Variants in ZAN observed in about 807,000 individuals in gnomAD.
ZAN encodes zonadhesin, also known as zonadhesin (gene/pseudogene).
Under a neutral mutation model 286.2 loss-of-function variants are expected in ZAN, and 260 were observed. That is an observed-to-expected ratio of 0.91 (90% confidence interval 0.82 to 1.01). ZAN has a LOEUF of 1.01. ZAN is among the 50% of genes least tolerant of loss of function. ZAN has a pLI of 0.00. For missense variants in ZAN, 3,410 were observed against 3,639.2 expected (o/e 0.94, Z 1.62); for synonymous variants, 1,368 against 1,417.5 (o/e 0.97, Z 0.79).
chr7:100,757,754 CAAA>C (rs1166217824), intron 15 of ZAN, among the ~76,000 whole-genome samples: 84 of 57,516 alleles, frequency 1.5e-3, no homozygotes, highest in African/African-American at 4.6e-3. Context: ...GACTCCGTCT[CAAA>C]AAAAAAAAAA....
At chr7:100,744,602 A>AAAAT (rs899571054) in intron 7 of ZAN, among the ~76,000 whole-genome samples, 1 of 150,932 alleles carries the variant, frequency 6.6e-6, no homozygotes, top group African/African-American at 2.4e-5. Context: ...CATCTCAATA[A>AAAAT]AAATAAATAA....
chr7:100,744,125 A>G (rs975332768), intron 7 of ZAN, among the ~76,000 whole-genome samples: 7 of 150,424 alleles, frequency 4.7e-5, no homozygotes, highest in African/African-American at 1.7e-4. Context: ...ATTTGTAAAG[A>G]TGGGGTCTTG....
Position 100,773,866 on chromosome 7 carries a change from G to A in ZAN, c.5779+1G>A, listed in dbSNP as rs1323540965. ...GGGCTGCTCCATTGTCGGGCCTCAG[G>A]TAGGAGGACCACGGTGATGGGGGGA... On this transcript the variant is annotated splice_donor_variant, in intron 31 of 47. Coordinates refer to ENST00000613979, the MANE Select transcript of ZAN (RefSeq NM_003386.3). LOFTEE classifies it high-confidence loss of function. 2 of 1,601,750 alleles carry A rather than the reference G, an allele frequency of 1.2e-6. No homozygotes were observed. The highest frequency in any genetic ancestry group is 1.7e-6 in the Non-Finnish European group (2 of 1,173,844).
intron 7 of ZAN, 52 bp downstream of exon 7, chr7:100,738,665 T>G: frequency 6.8e-7 from 1 of 1,472,298 alleles, no homozygotes; most frequent in Non-Finnish European, 9.3e-7. Flanking sequence ...CCAAGCACCC[T>G]ACGATAATTG....
chr7:100,758,763 A>G, intron 17 of ZAN, 113 bp downstream of exon 17: 3 of 1,467,710 alleles, frequency 2.0e-6, no homozygotes, highest in Non-Finnish European at 2.7e-6. Flanking sequence ...GGGAAGAGGC[A>G]AGATAGGAGC....
In ZAN at chr7:100,775,803, G is replaced by A; in HGVS notation, c.6162G>A (p.Glu2054=). ...QVKFDGNHLL[E]IEIPTTYYGK... ...AGTTTGACGGGAATCATCTCTTAGA[G>A]ATTGAAATCCCCACAACCTACTATG... The change falls in exon 33 of 48, where the codon GAG becomes GAA. Residue 2054 remains glutamate (E), a synonymous_variant. Transcript: ENST00000613979. 2 of 1,613,822 alleles carry A rather than the reference G, an allele frequency of 1.2e-6. No homozygotes were observed. Among genetic ancestry groups the A allele is most frequent in the South Asian group, 2.2e-5 (2 of 91,088 alleles).
At chr7:100,754,454 G>A (rs999492243) in intron 14 of ZAN, among the ~76,000 whole-genome samples, 6 of 151,900 alleles carry the variant, frequency 3.9e-5, no homozygotes, top group African/African-American at 1.2e-4. Context: ...GTGAGACTCC[G>A]TCTCAAAAAA....
At chr7:100,760,163 G>GTGAT (rs531763896) in intron 18 of ZAN, among the ~76,000 whole-genome samples, 330 of 152,218 alleles carry the variant, frequency 2.2e-3, no homozygotes, top group Non-Finnish European at 3.7e-3. Flanking sequence ...GCAGTGAGCT[G>GTGAT]TGATTGCACC....
At position 100,751,120 on chromosome 7, in the gene ZAN, C is replaced by T. The variant is rs551263116; in HGVS notation, c.1522-62C>T. The T allele has an allele frequency of 4.3e-5, 61 of 1,433,092 alleles. 1 individual carries two copies. The South Asian group carries it at 8.0e-4, about 19-fold the overall frequency. The allele number at this position is 1,433,092 out of a possible 1,614,324, so 88.8% of individuals were successfully genotyped here. A position where few individuals can be genotyped will look rare whatever the true frequency, so the allele number is the denominator to read the frequency against. On this transcript the variant is annotated intron_variant, in intron 12 of 47. Coordinates refer to ENST00000613979, the MANE Select transcript of ZAN (RefSeq NM_003386.3). ...GAACAGATTCTATGCCCAGTGGAAT[C>T]ACAGAGTTGCTGGAGATTCATTTTT...
chr7:100,742,732 TGCAATCGCA>T (rs1163009996), intron 7 of ZAN, among the ~76,000 whole-genome samples: 3 of 61,392 alleles, frequency 4.9e-5, no homozygotes, highest in Non-Finnish European at 1.0e-4. Context: ...GGCGCGTGCC[TGCAATCGCA>T]GGCACTCGGC....
intron 28 of ZAN, among the ~76,000 whole-genome samples, chr7:100,771,410 C>G (rs910142659): frequency 6.6e-6 from 1 of 151,168 alleles, no homozygotes; most frequent in Non-Finnish European, 1.5e-5. Context: ...ATTGCTCAGG[C>G]TGGAAAATCC....
At chr7:100,789,563 G>A (rs560963425) in intron 39 of ZAN, among the ~76,000 whole-genome samples, 1 of 152,250 alleles carries the variant, frequency 6.6e-6, no homozygotes, top group Non-Finnish European at 1.5e-5. Context: ...AAATCCCAGC[G>A]CTCCGGGAAG....
At chr7:100,774,665 A>C (rs1810623929) in intron 31 of ZAN, among the ~76,000 whole-genome samples, 1 of 151,850 alleles carries the variant, frequency 6.6e-6, no homozygotes, top group South Asian at 2.1e-4. Flanking sequence ...CTCTAAAAAA[A>C]ATTTTTTTTA....
intron 2 of ZAN, among the ~76,000 whole-genome samples, chr7:100,735,470 G>A (rs937412101): frequency 2.9e-5 from 4 of 136,208 alleles, no homozygotes; most frequent in Non-Finnish European, 6.5e-5. Flanking sequence ...GGGAGGTTGA[G>A]GTGGGAGGAT....
In ZAN at chr7:100,754,202, T is replaced by TA. The variant is rs554380044; in HGVS notation, c.3124+975dup. Among the ~76,000 whole-genome samples the TA allele has an allele frequency of 2.7e-3, 406 of 152,240 alleles. 1 individual carries two copies. The highest frequency in any genetic ancestry group is 9.3e-3 in the African/African-American group (388 of 41,574). ...GGCCAGGCACGGTGGCTCACGCCTG[T>TA]AATCCCAACACTTTGGGAGGCTGAG... is the stretch of plus-strand genomic sequence containing the variant. On this transcript the variant is annotated intron_variant, in intron 14 of 47. Transcript: ENST00000613979.
chr7:100,755,501 C>T lies in ZAN; in HGVS notation c.3309+91C>T, dbSNP rs975392179. 3.8e-5 allele frequency: 55 copies of T among 1,463,970 alleles called. No homozygotes were observed. The African/African-American group carries it at 6.6e-4, about 17-fold the overall frequency. 90.7% of individuals were successfully genotyped at this position (1,463,970 alleles called of 1,614,324 possible). On this transcript the variant is annotated intron_variant, in intron 15 of 47. Coordinates refer to ENST00000613979, the MANE Select transcript of ZAN (RefSeq NM_003386.3). ...CCATCTGCTCCCCATGTGAAGGCAA[C>T]AGGGATCACCGGATAGTCCCAAGGG...
intron 38 of ZAN, 137 bp downstream of exon 38, chr7:100,788,273 GGAC>G: frequency 8.0e-7 from 1 of 1,256,220 alleles, no homozygotes; most frequent in Admixed American, 3.4e-5. Flanking sequence ...AGAGTCAGCA[GGAC>G]GCAGTGGTTC....
chr7:100,792,017 G>A lies in ZAN; in HGVS notation c.7581G>A (p.Thr2527=), dbSNP rs779413938. The A allele has an allele frequency of 8.7e-6, 14 of 1,613,216 alleles. No homozygotes were observed. The highest frequency in any genetic ancestry group is 2.2e-5 in the East Asian group (1 of 44,866). Residue 2527 remains threonine, a synonymous_variant, in exon 41 of 48, where the codon ACG becomes ACA. Coordinates refer to ENST00000613979, the MANE Select transcript of ZAN (RefSeq NM_003386.3). ...AAGGGGCGGAGCTGGGCCTCCGCAC[G>A]GGCCTCCAAGTGTCCGAATGTAGCC... ...EGQGAELGLR[T]GLQVSECSPE...
At chr7:100,769,846 C>A in intron 27 of ZAN, 34 bp from the exon 28 acceptor site, 1 of 1,544,882 alleles carries the variant, frequency 6.5e-7, no homozygotes, top group African/African-American at 1.4e-5. Flanking sequence ...TGCACCCAAC[C>A]TGTAGCCCTC....
Sources: gnomAD v4.1 joint callset for allele counts (sites outside exome capture counted in the v4.1 genomes callset) on GRCh38, gnomAD v4.1.1 for gene constraint, MANE v1.5 for transcripts, NCBI Gene and HGNC (gene_info 2026-07-23, HGNC 2026-07-21) for gene names.